The following PDE8B variants were observed in gnomAD, a reference collection of about 807,000 sequenced individuals.
PDE8B encodes the protein high affinity cAMP-specific and IBMX-insensitive 3',5'-cyclic phosphodiesterase 8B.
Under a neutral mutation model 101.3 loss-of-function variants are expected in PDE8B, and 26 were observed. That is an observed-to-expected ratio of 0.26 (90% CI 0.19 to 0.36). The LOEUF (loss-of-function observed/expected upper bound fraction) is 0.36, where lower values mean the gene tolerates loss of function less well. PDE8B is among the 10% of genes least tolerant of loss of function. PDE8B has a pLI of 1.00. For synonymous variants in PDE8B, 424 were observed against 429.3 expected, an observed-to-expected ratio of 0.99 and a Z score of 0.15; for missense variants, 810 against 1,163.1, an observed-to-expected ratio of 0.70 and a Z score of 4.42.
chr5:77,412,290 C>G (rs1794717360), intron 16 of PDE8B, 55 bp downstream of exon 16: 2 of 1,593,634 alleles, frequency 1.3e-6, no homozygotes, highest in African/African-American at 1.3e-5. Context: ...TGCTCAAACT[C>G]TCACATTTGG....
intron 1 of PDE8B, among the ~76,000 whole-genome samples, chr5:77,229,184 A>G (rs535834455): frequency 6.6e-6 from 1 of 152,336 alleles, no homozygotes; most frequent in Admixed American, 6.5e-5. Context: ...TAACTGTGTA[A>G]ATTTTCTTTC....
At chr5:77,102,978 G>A in the PDE8B span, among the ~76,000 whole-genome samples, 18 of 152,322 alleles carry the variant, frequency 1.2e-4, no homozygotes, top group Non-Finnish European at 1.8e-4. Flanking sequence ...GGAGTGGTGG[G>A]CAAGGAAAAA....
the PDE8B span, among the ~76,000 whole-genome samples, chr5:77,107,656 C>T: frequency 3.9e-5 from 6 of 152,236 alleles, no homozygotes; most frequent in South Asian, 6.2e-4. Flanking sequence ...TAGCTATAGG[C>T]TCTTTGTAGA....
At chr5:77,383,806 T>C (rs1034178041) in intron 10 of PDE8B, among the ~76,000 whole-genome samples, 1 of 152,220 alleles carries the variant, frequency 6.6e-6, no homozygotes, top group Admixed American at 6.5e-5. Flanking sequence ...TGTAGTGTTA[T>C]TTATGAGGCT....
chr5:77,339,108 A>G (rs1778721278), intron 6 of PDE8B, among the ~76,000 whole-genome samples: 1 of 152,188 alleles, frequency 6.6e-6, no homozygotes. Flanking sequence ...TACTGCTGAA[A>G]TCTGTTTAGA....
At chr5:77,314,797 C>G (rs74330916) in intron 2 of PDE8B, among the ~76,000 whole-genome samples, 6,830 of 152,130 alleles carry the variant, frequency 0.045, 465 homozygotes, top group African/African-American at 0.15. Flanking sequence ...ATTTTACACT[C>G]TTACCAGCAA....
chr5:77,170,427 A>G, the PDE8B span, among the ~76,000 whole-genome samples: 1 of 152,222 alleles, frequency 6.6e-6, no homozygotes, highest in East Asian at 1.9e-4. Flanking sequence ...AAGTCTACAC[A>G]GAGGGCAAGG....
intron 1 of PDE8B, among the ~76,000 whole-genome samples, chr5:77,310,052 C>T (rs925776066): frequency 4.9e-5 from 7 of 142,656 alleles, no homozygotes; most frequent in African/African-American, 1.0e-4. Context: ...CAGGTTCAAG[C>T]GATTCTCCTG....
At chr5:77,166,442 A>G in the PDE8B span, among the ~76,000 whole-genome samples, 2 of 152,264 alleles carry the variant, frequency 1.3e-5, no homozygotes, top group East Asian at 1.9e-4. Flanking sequence ...TGCCATTTCA[A>G]TCCATTATCA....
At chr5:77,263,334 C>T (rs1002666899) in intron 1 of PDE8B, among the ~76,000 whole-genome samples, 3 of 152,192 alleles carry the variant, frequency 2.0e-5, no homozygotes, top group African/African-American at 7.2e-5. Context: ...CCTGATGTTG[C>T]AGGGCACTTT....
chr5:77,417,781 C>T (rs1795868454), intron 17 of PDE8B, among the ~76,000 whole-genome samples: 1 of 152,170 alleles, frequency 6.6e-6, no homozygotes. Context: ...TACTCTTTTA[C>T]TCTTCTACAG....
the PDE8B span, among the ~76,000 whole-genome samples, chr5:77,103,429 A>G: frequency 6.6e-6 from 1 of 152,206 alleles, no homozygotes; most frequent in Admixed American, 6.5e-5. Context: ...CTCAATTCGG[A>G]TATGACACAG....
intron 2 of PDE8B, among the ~76,000 whole-genome samples, chr5:77,312,397 C>T (rs1772879603): frequency 6.6e-6 from 1 of 152,184 alleles, no homozygotes; most frequent in Non-Finnish European, 1.5e-5. Context: ...AACCACTGTG[C>T]CCGGCCTGGC....
At chr5:77,179,847 C>T in the PDE8B span, among the ~76,000 whole-genome samples, 1 of 152,282 alleles carries the variant, frequency 6.6e-6, no homozygotes, top group East Asian at 1.9e-4. Flanking sequence ...AGGCCTGAGC[C>T]ACCGCGCCCA....
At chr5:77,387,342 A>G (rs893110681) in intron 10 of PDE8B, among the ~76,000 whole-genome samples, 1 of 152,334 alleles carries the variant, frequency 6.6e-6, no homozygotes, top group East Asian at 1.9e-4. Context: ...TTGGCTGGAC[A>G]TGAAATTCTG....
In PDE8B at chr5:77,386,694, G is replaced by A. The variant is rs146170421; in HGVS notation, c.1168-13554G>A. On this transcript the variant is annotated intron_variant, in intron 10 of 21. Transcript: ENST00000264917. Reference sequence around the variant, plus strand: ...TCTTTGCACATGAGATGAGTCTCCTGAATACAGTATACTGATGGGTCTTGA... The same window carrying A: ...TCTTTGCACATGAGATGAGTCTCCTAAATACAGTATACTGATGGGTCTTGA... 3.6e-3 allele frequency among the ~76,000 whole-genome samples: 554 copies of A among 152,022 alleles called. 7 individuals are homozygous for A. Among genetic ancestry groups the A allele is most frequent in the African/African-American group, 0.013 (523 of 41,458 alleles).
chr5:77,139,342 A>G, the PDE8B span: 1 of 152,272 alleles, frequency 6.6e-6, no homozygotes, highest in African/African-American at 2.4e-5. Flanking sequence ...TCTCAAGCCC[A>G]AGAGAACCTC....
At chr5:77,120,835 G>T in the PDE8B span, among the ~76,000 whole-genome samples, 1 of 152,188 alleles carries the variant, frequency 6.6e-6, no homozygotes, top group Non-Finnish European at 1.5e-5. Flanking sequence ...TTTATCTGTT[G>T]GCTTCTTTCT....
At chr5:77,296,486 C>A (rs1561486230) in intron 1 of PDE8B, among the ~76,000 whole-genome samples, 1 of 152,094 alleles carries the variant, frequency 6.6e-6, no homozygotes, top group Admixed American at 6.5e-5. Context: ...TGGTCTTGAA[C>A]TCTTGGCTCC....
Sources: allele counts gnomAD v4.1 joint callset (sites outside exome capture counted in the v4.1 genomes callset), GRCh38; gene constraint gnomAD v4.1.1; transcripts MANE v1.5; gene names NCBI Gene and HGNC (gene_info 2026-07-23, HGNC 2026-07-21).